DCLK2: variants seen among roughly 807,000 people sequenced by gnomAD.
DCLK2 encodes the protein doublecortin like kinase 2.
In DCLK2, 31 loss-of-function variants were observed where a neutral mutation model predicts 78.4. That is an observed-to-expected ratio of 0.40 (90% CI 0.30 to 0.53). DCLK2 has a LOEUF of 0.53. Among genes scored for constraint, DCLK2 ranks in the 20% least tolerant of loss-of-function variants. DCLK2 has a pLI of 0.61. For missense variants in DCLK2, 872 were observed against 973.7 expected (o/e 0.90, Z 1.39); for synonymous variants, 407 against 374.9 (o/e 1.09, Z -0.99).
intron 10 of DCLK2, among the ~76,000 whole-genome samples, chr4:150,235,573 A>G (rs1374441825): frequency 6.6e-6 from 1 of 152,204 alleles, no homozygotes; most frequent in Non-Finnish European, 1.5e-5. Context: ...GACCTCTGGA[A>G]GAGGCGAATA....
At chr4:150,119,044 T>TATAATAATA (rs70937317) in intron 2 of DCLK2, among the ~76,000 whole-genome samples, 2,754 of 115,354 alleles carry the variant, frequency 0.024, 44 homozygotes, top group Non-Finnish European at 0.031. Context: ...ACAATAATAA[T>TATAATAATA]ATAATAATAA....
intron 8 of DCLK2, among the ~76,000 whole-genome samples, chr4:150,226,761 AAAC>A (rs1245143247): frequency 6.6e-6 from 1 of 152,180 alleles, no homozygotes; most frequent in Non-Finnish European, 1.5e-5. Flanking sequence ...TTGCTTATCT[AAAC>A]AACTATTTCC....
intron 15 of DCLK2, chr4:150,253,473 G>C (rs1214213133): frequency 5.4e-6 from 7 of 1,289,658 alleles, no homozygotes; most frequent in Non-Finnish European, 7.1e-6. Context: ...TTGTTTGACA[G>C]TTTGATTTGA....
intron 12 of DCLK2, among the ~76,000 whole-genome samples, chr4:150,246,897 C>A (rs992738060): frequency 1.3e-5 from 2 of 152,176 alleles, no homozygotes; most frequent in Admixed American, 1.3e-4. Flanking sequence ...CTGTGCCATT[C>A]TGCTTGGCAT....
chr4:150,095,365 G>C (rs1730384542), intron 1 of DCLK2, among the ~76,000 whole-genome samples: 1 of 152,162 alleles, frequency 6.6e-6, no homozygotes, highest in African/African-American at 2.4e-5. Context: ...TTCAAACTCT[G>C]TATGAATTAA....
At chr4:150,151,924 CA>C (rs767846412) in intron 2 of DCLK2, among the ~76,000 whole-genome samples, 17 of 131,040 alleles carry the variant, frequency 1.3e-4, no homozygotes, top group South Asian at 4.8e-4. Context: ...GGCTCTGTCT[CA>C]AAAAAAAAAA....
chr4:150,140,470 G>A (rs995722812), intron 2 of DCLK2, among the ~76,000 whole-genome samples: 4 of 152,160 alleles, frequency 2.6e-5, no homozygotes, highest in South Asian at 2.1e-4. Flanking sequence ...CAATGGTGAC[G>A]CTGTGTGTGG....
intron 3 of DCLK2, among the ~76,000 whole-genome samples, chr4:150,197,256 A>G (rs1200199486): frequency 2.6e-5 from 4 of 152,216 alleles, no homozygotes; most frequent in African/African-American, 7.2e-5. Flanking sequence ...TTCATAAGTT[A>G]GAGTCCCATA....
At chr4:150,198,525 T>C (rs1373156839) in intron 4 of DCLK2, among the ~76,000 whole-genome samples, 3 of 152,202 alleles carry the variant, frequency 2.0e-5, no homozygotes, top group Admixed American at 2.0e-4. Flanking sequence ...TTCCACTGGC[T>C]TCTGCCTCAT....
intron 2 of DCLK2, among the ~76,000 whole-genome samples, chr4:150,176,471 G>T (rs778694975): frequency 6.6e-6 from 1 of 152,124 alleles, no homozygotes; most frequent in African/African-American, 2.4e-5. Flanking sequence ...ACCTGCCTAC[G>T]TTCCCAAGTT....
chr4:150,172,867 T>C (rs779390886), intron 2 of DCLK2, among the ~76,000 whole-genome samples: 1 of 151,612 alleles, frequency 6.6e-6, no homozygotes, highest in Non-Finnish European at 1.5e-5. Context: ...TTCCTTGTCG[T>C]AGGAATGGAG....
In DCLK2 at chr4:150,078,820, G is replaced by A; in HGVS notation, c.-208G>A. The A allele has an allele frequency of 3.6e-6, 2 of 552,678 alleles. No individual in the cohort carries two copies. The highest frequency in any genetic ancestry group is 3.0e-6 in the Non-Finnish European group (1 of 338,458). The allele number at this position is 552,678 out of a possible 1,614,324, so 34.2% of individuals were successfully genotyped here. ...GTCGCACTGGACAATGACCTGGGCA[G>A]CTCGGCGCTGCGGACACTTTTAGCT... On this transcript the variant is annotated 5_prime_UTR_variant, in exon 1 of 16. Transcript: ENST00000296550.
At position 150,079,316 on chromosome 4, in the gene DCLK2, CG is replaced by C; in HGVS notation, c.291del (p.Ser98ProfsTer7). The stretch of plus-strand genomic sequence containing the variant: ...GTTTGCCATCTCCAGCGACCGCTTC[CG>C]GTCCTTCGATGCGCTCCTCATAGAG... Reference protein sequence around the residue: ...LVFAISSDRFRSFDALLIELT... With the variant: ...LVFAISSDRFXSFDALLIELT... On this transcript the variant is annotated frameshift_variant, in exon 1 of 16. Transcript: ENST00000296550. LOFTEE classifies it high-confidence loss of function. 6.3e-7 allele frequency: 1 copy of C among 1,592,468 alleles called. No homozygotes were observed. Among genetic ancestry groups the C allele is most frequent in the Non-Finnish European group, 8.5e-7 (1 of 1,169,712 alleles).
intron 2 of DCLK2, among the ~76,000 whole-genome samples, chr4:150,166,910 C>T (rs535592850): frequency 4.6e-5 from 7 of 152,236 alleles, no homozygotes; most frequent in Admixed American, 2.6e-4. Context: ...AGAGATCTTC[C>T]TTGTCTTAAG....
intron 2 of DCLK2, among the ~76,000 whole-genome samples, chr4:150,172,623 A>G (rs1279614681): frequency 2.0e-5 from 3 of 151,378 alleles, no homozygotes; most frequent in Admixed American, 6.6e-5. Flanking sequence ...AAAAAAAAAA[A>G]AAAAAAGAAA....
rs911480311 is a variant in DCLK2, at chr4:150,078,869, T to C, written c.-159T>C. Reference sequence around the variant, plus strand: ...CTGAGGGCGCGGGCGGGTCGGCTCCTCCGCGGCTCCTCGGCCCCACCTGCG... The same window carrying C: ...CTGAGGGCGCGGGCGGGTCGGCTCCCCCGCGGCTCCTCGGCCCCACCTGCG... On this transcript the variant is annotated 5_prime_UTR_variant, in exon 1 of 16. Transcript: ENST00000296550. The C allele has an allele frequency of 1.0e-6, 1 of 968,214 alleles. No individual in the cohort carries two copies. 60.0% of individuals were successfully genotyped at this position (968,214 alleles called of 1,614,324 possible). A position where few individuals can be genotyped will look rare whatever the true frequency, so the allele number is the denominator to read the frequency against.
chr4:150,247,748 CACCCA>C, intron 13 of DCLK2, 49 bp downstream of exon 13: 7 of 1,463,170 alleles, frequency 4.8e-6, no homozygotes, highest in Non-Finnish European at 6.7e-6. Context: ...GTGGGGTCCT[CACCCA>C]TTGCACAGGG....
rs763520035 is a variant in DCLK2, at chr4:150,249,578, C to A, written c.1967C>A (p.Ser656Tyr). The A allele has an allele frequency of 6.2e-7, 1 of 1,613,224 alleles. No homozygotes were observed. The highest frequency in any genetic ancestry group is 8.5e-7 in the Non-Finnish European group (1 of 1,179,574). ...LSHPWVSDDA[S>Y]QENNMQAEVT... Reference sequence around the variant, plus strand: ...TTTTCTTTCCTGTAGGATGATGCCTCCCAGGAGAATAACATGCAAGCTGAG... The same window carrying A: ...TTTTCTTTCCTGTAGGATGATGCCTACCAGGAGAATAACATGCAAGCTGAG... The change falls in exon 15 of 16, where the codon TCC (serine) becomes TAC (tyrosine). Residue 656 changes from serine to tyrosine, a missense_variant. This residue lies in a region of DCLK2 where 219 missense variants were observed against 230.1 expected (regional missense o/e 0.95). Transcript: ENST00000296550.
intron 4 of DCLK2, among the ~76,000 whole-genome samples, chr4:150,201,757 A>C (rs1190401176): frequency 6.6e-6 from 1 of 152,162 alleles, no homozygotes; most frequent in Non-Finnish European, 1.5e-5. Flanking sequence ...CTTACTGATT[A>C]GGAGCAGGTG....
Sources: gnomAD v4.1 joint callset for allele counts (sites outside exome capture counted in the v4.1 genomes callset) on GRCh38, gnomAD v4.1.1 for gene constraint, gnomAD v4.1.1 regional missense constraint, MANE v1.5 for transcripts, NCBI Gene and HGNC (gene_info 2026-07-23, HGNC 2026-07-21) for gene names.